Variants in MALRD1 observed in about 807,000 individuals in gnomAD.
The protein encoded by MALRD1 is MAM and LDL receptor class A domain containing 1.
Under a neutral mutation model 242.1 loss-of-function variants are expected in MALRD1, and 247 were observed. The observed-to-expected ratio is 1.02, with a 90% confidence interval of 0.92 to 1.13. The LOEUF (loss-of-function observed/expected upper bound fraction) is 1.13, where lower values mean the gene tolerates loss of function less well. MALRD1 is among the 50% of genes most tolerant of loss of function. The pLI is 0.00. For missense variants in MALRD1, 2,989 were observed against 2,533.1 expected (o/e 1.18, Z -3.86); for synonymous variants, 995 against 866.6 (o/e 1.15, Z -2.60).
At chr10:19,332,054 T>C (rs1843396826) in intron 24 of MALRD1, among the ~76,000 whole-genome samples, 1 of 151,918 alleles carries the variant, frequency 6.6e-6, no homozygotes, top group African/African-American at 2.4e-5. Context: ...TTAGTAGAGG[T>C]GGGGTTTCAC....
intron 18 of MALRD1, among the ~76,000 whole-genome samples, chr10:19,233,433 T>TG (rs1259445424): frequency 6.6e-6 from 1 of 151,806 alleles, no homozygotes; most frequent in Non-Finnish European, 1.5e-5. Flanking sequence ...ACCTGGGAGG[T>TG]GGGGGTTACA....
chr10:19,150,288 C>T (rs1049738908), intron 11 of MALRD1, among the ~76,000 whole-genome samples: 4 of 152,054 alleles, frequency 2.6e-5, no homozygotes, highest in Admixed American at 6.6e-5. Context: ...TGACTTTCTG[C>T]GACCTTCGGG....
At chr10:19,054,365 A>G (rs924052885) in intron 1 of MALRD1, among the ~76,000 whole-genome samples, 10 of 152,174 alleles carry the variant, frequency 6.6e-5, no homozygotes, top group Admixed American at 2.0e-4. Context: ...TTTGCAAAGC[A>G]TTGGAAATCC....
At chr10:19,580,209 G>A (rs778168690) in intron 33 of MALRD1, among the ~76,000 whole-genome samples, 13 of 152,178 alleles carry the variant, frequency 8.5e-5, no homozygotes, top group African/African-American at 2.9e-4. Context: ...GGGGTTATAC[G>A]AAGGCAGCAA....
chr10:19,210,690 C>T (rs985334778), intron 18 of MALRD1, among the ~76,000 whole-genome samples: 1 of 81,422 alleles, frequency 1.2e-5, no homozygotes, highest in Non-Finnish European at 2.3e-5. Context: ...AGCTCCAGGC[C>T]ACCTTTTGAA....
At position 19,622,695 on chromosome 10, in the gene MALRD1, A is replaced by G. The variant is rs147263926; in HGVS notation, c.6137+6772A>G. 6.6e-3 allele frequency among the ~76,000 whole-genome samples: 998 copies of G among 151,248 alleles called. 11 individuals are homozygous for G. The highest frequency in any genetic ancestry group is 0.023 in the African/African-American group (954 of 41,466). Reference sequence around the variant, plus strand: ...AGAATCTGAGTAGCTATGAGAAGCTATGAGAATATGAGTACTACTGAGCTT... The same window carrying G: ...AGAATCTGAGTAGCTATGAGAAGCTGTGAGAATATGAGTACTACTGAGCTT... On this transcript the variant is annotated intron_variant, in intron 36 of 39. Transcript: ENST00000454679.
At chr10:19,305,084 T>C (rs1357348909) in intron 21 of MALRD1, among the ~76,000 whole-genome samples, 3 of 151,728 alleles carry the variant, frequency 2.0e-5, no homozygotes, top group Non-Finnish European at 2.9e-5. Flanking sequence ...AATGACTTTA[T>C]CAACTGAATC....
intron 31 of MALRD1, among the ~76,000 whole-genome samples, chr10:19,501,183 A>G (rs1016041755): frequency 6.6e-6 from 1 of 152,204 alleles, no homozygotes; most frequent in Non-Finnish European, 1.5e-5. Context: ...AGAATGTTCC[A>G]GAGCTAGATC....
At chr10:19,392,299 G>T (rs2081706629) in intron 28 of MALRD1, among the ~76,000 whole-genome samples, 1 of 152,098 alleles carries the variant, frequency 6.6e-6, no homozygotes, top group Non-Finnish European at 1.5e-5. Flanking sequence ...GACAGAGTGG[G>T]AACCTGAATC....
chr10:19,352,715 A>G (rs947809342), intron 26 of MALRD1, among the ~76,000 whole-genome samples: 2 of 152,220 alleles, frequency 1.3e-5, no homozygotes, highest in Non-Finnish European at 2.9e-5. Context: ...TTCATGGACC[A>G]TGAGCATGCC....
Position 19,331,406 on chromosome 10 carries a change from G to C in MALRD1, c.3725G>C (p.Gly1242Ala), listed in dbSNP as rs1455053717. The change falls in exon 24 of 40, where the codon GGA (glycine) becomes GCA (alanine). Residue 1242 changes from glycine to alanine, a missense_variant. Transcript: ENST00000454679. ...GCCAAACGTGGTATCAGTTACATAG[G>C]AGATGTAGCAGTGGATGATATTTCC... ...FRAKRGISYI[G>A]DVAVDDISFQ... 6.5e-7 allele frequency: 1 copy of C among 1,550,372 alleles called. No individual in the cohort carries two copies. Among genetic ancestry groups the C allele is most frequent in the Admixed American group, 2.0e-5 (1 of 50,922 alleles).
At position 19,566,375 on chromosome 10, in the gene MALRD1, G is replaced by A. The variant is rs554964017; in HGVS notation, c.5479-1127G>A. Among the ~76,000 whole-genome samples the A allele has an allele frequency of 1.5e-3, 212 of 140,358 alleles. 1 individual carries two copies. The highest frequency in any genetic ancestry group is 5.1e-3 in the African/African-American group (196 of 38,230). 92.1% of individuals were successfully genotyped at this position (140,358 alleles called of 152,430 possible). A position where few individuals can be genotyped will look rare whatever the true frequency, so the allele number is the denominator to read the frequency against. ...AGGATGGTCTCAATCTCCTGACCTCGTGATCTGCCCGCCTTGGCCTCCCAA... is the reference window on the plus strand; with the variant it reads ...AGGATGGTCTCAATCTCCTGACCTCATGATCTGCCCGCCTTGGCCTCCCAA... On this transcript the variant is annotated intron_variant, in intron 32 of 39. Transcript: ENST00000454679.
intron 28 of MALRD1, among the ~76,000 whole-genome samples, chr10:19,446,765 TG>T (rs1277925449): frequency 6.6e-6 from 1 of 152,188 alleles, no homozygotes; most frequent in Non-Finnish European, 1.5e-5. Flanking sequence ...TAACCATTTT[TG>T]TATTAGTGTC....
intron 2 of MALRD1, among the ~76,000 whole-genome samples, chr10:19,072,135 C>T (rs760845929): frequency 4.6e-5 from 7 of 152,142 alleles, no homozygotes; most frequent in African/African-American, 7.2e-5. Context: ...GACAAGGATA[C>T]GATGTGTGTG....
At chr10:19,386,678 C>T (rs192776699) in intron 26 of MALRD1, among the ~76,000 whole-genome samples, 1 of 150,458 alleles carries the variant, frequency 6.6e-6, no homozygotes, top group East Asian at 2.0e-4. Flanking sequence ...GTTGTAGGCA[C>T]TGGTGAGATA....
intron 19 of MALRD1, among the ~76,000 whole-genome samples, chr10:19,265,161 T>C (rs1252401690): frequency 1.3e-5 from 2 of 152,034 alleles, no homozygotes; most frequent in African/African-American, 4.8e-5. Flanking sequence ...AATTTTATCT[T>C]TTCAAAAAAT....
chr10:19,118,498 T>C (rs1218335112), intron 5 of MALRD1, among the ~76,000 whole-genome samples: 1 of 152,206 alleles, frequency 6.6e-6, no homozygotes, highest in African/African-American at 2.4e-5. Flanking sequence ...GTTGAGTTAT[T>C]ATCTGAAGAC....
chr10:19,373,932 C>G (rs1307201427), intron 26 of MALRD1, among the ~76,000 whole-genome samples: 4 of 152,176 alleles, frequency 2.6e-5, no homozygotes, highest in Non-Finnish European at 5.9e-5. Flanking sequence ...CTGTTTCTCT[C>G]TCACCCTGAA....
chr10:19,530,422 A>T (rs1564417436), intron 31 of MALRD1, among the ~76,000 whole-genome samples: 3 of 25,252 alleles, frequency 1.2e-4, no homozygotes, highest in African/African-American at 3.5e-4. Context: ...TATAATAATA[A>T]ATATATAATA....
Sources: gnomAD v4.1 joint callset for allele counts (sites outside exome capture counted in the v4.1 genomes callset) on GRCh38, gnomAD v4.1.1 for gene constraint, MANE v1.5 for transcripts, NCBI Gene and HGNC (gene_info 2026-07-23, HGNC 2026-07-21) for gene names.